Variants in TP73 observed in about 807,000 individuals in gnomAD.
TP73 encodes p53-like transcription factor.
In TP73, 25 loss-of-function variants were observed where a neutral mutation model predicts 62.5. The observed-to-expected ratio is 0.40, with a 90% CI of 0.29 to 0.56. The LOEUF (loss-of-function observed/expected upper bound fraction) is 0.56, where lower values mean the gene tolerates loss of function less well. TP73 is among the 20% of genes least tolerant of loss of function. The pLI, the probability that TP73 is intolerant of heterozygous loss-of-function variation, is 0.46. For synonymous variants in TP73, 423 were observed against 377.5 expected, an observed-to-expected ratio of 1.12 and a Z score of -1.40; for missense variants, 754 against 913.3, an observed-to-expected ratio of 0.83 and a Z score of 2.25.
At chr1:3,687,969 T>C (rs1434095494) in intron 3 of TP73, among the ~76,000 whole-genome samples, 1 of 152,088 alleles carries the variant, frequency 6.6e-6, no homozygotes, top group Non-Finnish European at 1.5e-5. Context: ...CCTTGGTGAC[T>C]TCAGGGAGAG....
At position 3,732,743 on chromosome 1, in the gene TP73, G is replaced by A. The variant is rs202024833; in HGVS notation, c.1579-4G>A. ...CCTGCCCCTAATGCGCCGGCCTCTC[G>A]CAGGACCTGGGGGCCCTGAAGATCC... On this transcript the variant is annotated splice_region_variant and splice_polypyrimidine_tract_variant and intron_variant, in intron 13 of 13. Coordinates refer to ENST00000378295, the MANE Select transcript of TP73 (RefSeq NM_005427.4). 82 of 1,559,186 alleles carry A rather than the reference G, an allele frequency of 5.3e-5. No homozygotes were observed. In the East Asian group the frequency reaches 1.1e-3, roughly 21 times the overall value.
chr1:3,673,679 G>C (rs1003458687), intron 1 of TP73, among the ~76,000 whole-genome samples: 3 of 152,220 alleles, frequency 2.0e-5, no homozygotes, highest in African/African-American at 7.2e-5. Context: ...CGAAGCGGTG[G>C]GGCAGGAATC....
At chr1:3,708,932 G>A (rs573293404) in intron 4 of TP73, among the ~76,000 whole-genome samples, 3 of 152,292 alleles carry the variant, frequency 2.0e-5, no homozygotes, top group South Asian at 2.1e-4. Context: ...CATGCAGGGC[G>A]GCCGCATTCC....
intron 4 of TP73, among the ~76,000 whole-genome samples, chr1:3,714,551 C>G (rs3765763): frequency 6.6e-6 from 1 of 152,212 alleles, no homozygotes; most frequent in Non-Finnish European, 1.5e-5. Context: ...CTGCTGGGCC[C>G]CTCGTGGGAC....
intron 3 of TP73, among the ~76,000 whole-genome samples, chr1:3,697,428 C>T (rs1283931346): frequency 1.3e-5 from 2 of 152,208 alleles, no homozygotes; most frequent in African/African-American, 4.8e-5. Context: ...ACCCCCAGGC[C>T]CACCCAATAC....
intron 1 of TP73, among the ~76,000 whole-genome samples, chr1:3,678,188 C>T (rs930170843): frequency 3.5e-4 from 53 of 152,226 alleles, no homozygotes; most frequent in African/African-American, 1.2e-3. Flanking sequence ...GTCCCAGAAC[C>T]GTGATCCCCT....
At chr1:3,686,249 G>T (rs1218721503) in intron 3 of TP73, among the ~76,000 whole-genome samples, 1 of 152,244 alleles carries the variant, frequency 6.6e-6, no homozygotes, top group Non-Finnish European at 1.5e-5. Flanking sequence ...GCATCTGGGG[G>T]ACGTGGGTCT....
chr1:3,657,439 C>A (rs1051724961), intron 1 of TP73, among the ~76,000 whole-genome samples: 3 of 152,132 alleles, frequency 2.0e-5, no homozygotes, highest in Non-Finnish European at 4.4e-5. Context: ...CCTGGAAAAT[C>A]CAGAATGATC....
intron 1 of TP73, among the ~76,000 whole-genome samples, chr1:3,678,008 C>T (rs1048649260): frequency 6.6e-6 from 1 of 152,176 alleles, no homozygotes; most frequent in African/African-American, 2.4e-5. Context: ...CCCAGCCCAT[C>T]CCTCCTAGAC....
chr1:3,728,170 G>T lies in TP73; in HGVS notation c.1027G>T (p.Gly343Cys). The T allele has an allele frequency of 6.2e-7, 1 of 1,611,990 alleles. No individual in the cohort carries two copies. Reference sequence around the variant, plus strand: ...CCCTGCCGTCCCCGCCCTTGGTGCCGGTGTGAAGAAGCGGCGGCATGGAGA... The same window carrying T: ...CCCTGCCGTCCCCGCCCTTGGTGCCTGTGTGAAGAAGCGGCGGCATGGAGA... Reference protein sequence around the residue: ...SPPAVPALGAGVKKRRHGDED... With the variant: ...SPPAVPALGACVKKRRHGDED... Residue 343 changes from glycine (G) to cysteine (C), a missense_variant, in exon 9 of 14, where the codon GGT (glycine) becomes TGT (cysteine). Coordinates refer to ENST00000378295, the MANE Select transcript of TP73 (RefSeq NM_005427.4).
Position 3,663,682 on chromosome 1 carries a change from C to T in TP73, c.-34+11041C>T, listed in dbSNP as rs900762949. 6.9e-6 allele frequency among the ~76,000 whole-genome samples: 1 copy of T among 145,744 alleles called. No homozygotes were observed. The highest frequency in any genetic ancestry group is 2.6e-5 in the African/African-American group (1 of 39,130). ...AGTGAGCCAAGATCGTGCAACAATGCGAGACTCCATCTCAAAAAAAAAAAA... is the reference window on the plus strand; with the variant it reads ...AGTGAGCCAAGATCGTGCAACAATGTGAGACTCCATCTCAAAAAAAAAAAA... On this transcript the variant is annotated intron_variant, in intron 1 of 13. Coordinates refer to ENST00000378295, the MANE Select transcript of TP73 (RefSeq NM_005427.4). The surrounding 1 kb of genome is among the most constrained non-coding windows in gnomAD (Gnocchi z 4.7).
At chr1:3,719,890 TTGTGTGTGTGTGTGTGTGTG>T (rs5772122) in intron 4 of TP73, among the ~76,000 whole-genome samples, 18 of 132,146 alleles carry the variant, frequency 1.4e-4, no homozygotes, top group Admixed American at 9.8e-4. Context: ...TTTTTTCTCT[TTGTGTGTGTGTGTGTGTGTG>T]TGTGTGTGTG....
rs771075520 is a variant in TP73 at position 3,730,931 on chromosome 1, C to T, written c.1350C>T (p.Pro450=). Residue 450 remains proline, a synonymous_variant, in exon 12 of 14, where the codon CCC becomes CCT. Transcript: ENST00000378295. ...AATPNLGPVG[P]GMLNNHGHAV... Reference sequence around the variant, plus strand: ...CCCCACCTGCCTCTCACCCAGGCCCCGGGATGCTCAACAACCATGGCCACG... The same window carrying T: ...CCCCACCTGCCTCTCACCCAGGCCCTGGGATGCTCAACAACCATGGCCACG... 22 of 1,603,684 alleles carry T rather than the reference C, an allele frequency of 1.4e-5. No individual in the cohort carries two copies. Among genetic ancestry groups the T allele is most frequent in the African/African-American group, 5.4e-5 (4 of 74,662 alleles).
intron 4 of TP73, among the ~76,000 whole-genome samples, chr1:3,711,193 G>A (rs1389540583): frequency 2.0e-5 from 3 of 152,232 alleles, no homozygotes; most frequent in Admixed American, 6.5e-5. Flanking sequence ...GACTTCTTAG[G>A]TCAGGGCAGG....
At chr1:3,712,565 C>G (rs1269967962) in intron 4 of TP73, 1 of 152,256 alleles carries the variant, frequency 6.6e-6, no homozygotes, top group African/African-American at 2.4e-5. Context: ...AGGGAGAACC[C>G]CTTGGGGGAC....
Position 3,706,410 on chromosome 1 carries a change from C to T in TP73, c.187-1139C>T, listed in dbSNP as rs58720982. ...TAATAGGGACAATCACGGTGCCCGC[C>T]GCAGGCCCGGGGAGGGGGGTAATAG... On this transcript the variant is annotated intron_variant, in intron 3 of 13. Transcript: ENST00000378295. Among the ~76,000 whole-genome samples the T allele has an allele frequency of 6.7e-3, 916 of 135,914 alleles. 8 individuals carry two copies. Among genetic ancestry groups the T allele is most frequent in the African/African-American group, 0.025 (857 of 34,940 alleles). The allele number at this position is 135,914 out of a possible 152,430, so 89.2% of individuals were successfully genotyped here.
intron 3 of TP73, among the ~76,000 whole-genome samples, chr1:3,706,899 C>G (rs1386807333): frequency 6.6e-6 from 1 of 152,158 alleles, no homozygotes; most frequent in Non-Finnish European, 1.5e-5. Flanking sequence ...TTTGCCGGCC[C>G]CTGAGCGTGG....
chr1:3,667,215 C>T (rs1557488837), intron 1 of TP73, among the ~76,000 whole-genome samples: 1 of 152,160 alleles, frequency 6.6e-6, no homozygotes, highest in Non-Finnish European at 1.5e-5. Flanking sequence ...TCTCCCAGGG[C>T]CCCCCAAAGA....
chr1:3,698,283 T>C, intron 3 of TP73: 1 of 205,268 alleles, frequency 4.9e-6, no homozygotes, highest in Non-Finnish European at 8.6e-6. Context: ...GTGTGAGCTG[T>C]GCCTTCCCCC....
Sources: gnomAD v4.1 joint callset for allele counts (sites outside exome capture counted in the v4.1 genomes callset) on GRCh38, gnomAD v4.1.1 for gene constraint, Gnocchi (gnomAD v3.1) non-coding constraint, MANE v1.5 for transcripts, NCBI Gene and HGNC (gene_info 2026-07-23, HGNC 2026-07-21) for gene names.